FXR1: variants seen among roughly 807,000 people sequenced by gnomAD.
FXR1 encodes the protein FMR1 autosomal homolog 1.
FXR1 carries 15 observed loss-of-function variants against 84.0 expected under a neutral mutation model. The observed-to-expected ratio is 0.18, with a 90% CI of 0.12 to 0.27. The LOEUF (loss-of-function observed/expected upper bound fraction) is 0.27. FXR1 is among the 10% of genes least tolerant of loss of function. FXR1 has a pLI of 1.00. For missense variants in FXR1, 480 were observed against 774.4 expected, an observed-to-expected ratio of 0.62 and a Z score of 4.51; for synonymous variants, 245 against 250.7, an observed-to-expected ratio of 0.98 and a Z score of 0.21.
chr3:180,932,388 A>T (rs1453315993), intron 1 of FXR1, among the ~76,000 whole-genome samples: 1 of 152,178 alleles, frequency 6.6e-6, no homozygotes, highest in East Asian at 1.9e-4. Context: ...TGCAGTTCTG[A>T]TTCATAGTAA....
In FXR1 at chr3:180,982,502, G is replaced by A. The variant is rs1714659472; in HGVS notation, c.*6210G>A. 1 of 152,144 alleles carries A rather than the reference G, an allele frequency of 6.6e-6. No individual in the cohort carries two copies. The allele number at this position is 152,144 out of a possible 1,614,324, so 9.4% of individuals were successfully genotyped here. On this transcript the variant is annotated 3_prime_UTR_variant, in exon 17 of 17. Coordinates refer to ENST00000357559, the MANE Select transcript of FXR1 (RefSeq NM_005087.4). ...CTGCTGTGCTCCTTGGTATTTTTAAGTGGTTTCCATTGTCTTAACACCTGT... is the reference window on the plus strand; with the variant it reads ...CTGCTGTGCTCCTTGGTATTTTTAAATGGTTTCCATTGTCTTAACACCTGT...
intron 11 of FXR1, 37 bp from the exon 12 acceptor site, chr3:180,962,846 A>G (rs1283806051): frequency 1.4e-6 from 2 of 1,411,706 alleles, no homozygotes; most frequent in African/African-American, 2.8e-5. Flanking sequence ...AAAAAGTTAT[A>G]TATAAGAAGA....
chr3:180,917,624 C>CT (rs1166111876), intron 1 of FXR1, among the ~76,000 whole-genome samples: 2 of 152,104 alleles, frequency 1.3e-5, no homozygotes, highest in East Asian at 1.9e-4. Flanking sequence ...ATTTTCTACT[C>CT]TATCTTGCTG....
At chr3:180,964,261 A>G (rs1252433477) in intron 13 of FXR1, among the ~76,000 whole-genome samples, 1 of 152,226 alleles carries the variant, frequency 6.6e-6, no homozygotes, top group Admixed American at 6.5e-5. Context: ...TGCAAAAGAC[A>G]GTTAACCAGT....
rs890895931 is a variant in FXR1, at chr3:180,948,493, G to T, written c.417G>T (p.Glu139Asp). Residue 139 changes from glutamate (E) to aspartate (D), a missense_variant and splice_region_variant, in exon 5 of 17, where the codon GAG becomes GAT. Glu to Asp is a conservative substitution (Grantham distance 45, BLOSUM62 2). Transcript: ENST00000357559. ...TGGATGTTCCTGAGGATTTGAGAGA[G>T]GCGTGAGTAATTTTATATACTATTG... is the stretch of plus-strand genomic sequence containing the variant. ...CTVDVPEDLR[E>D]ACANENAHKD... 6.3e-7 allele frequency: 1 copy of T among 1,595,056 alleles called. No homozygotes were observed. Among genetic ancestry groups the T allele is most frequent in the Non-Finnish European group, 8.6e-7 (1 of 1,166,182 alleles).
At chr3:180,963,640 TGAAGAC>T (rs1302558435) in intron 13 of FXR1, among the ~76,000 whole-genome samples, 3 of 152,246 alleles carry the variant, frequency 2.0e-5, no homozygotes, top group Non-Finnish European at 2.9e-5. Context: ...TTCACTAAAA[TGAAGAC>T]TCTGAAAGCC....
intron 3 of FXR1, among the ~76,000 whole-genome samples, chr3:180,945,728 G>A (rs1721628356): frequency 6.6e-6 from 1 of 152,132 alleles, no homozygotes; most frequent in African/African-American, 2.4e-5. Context: ...CTTAAAAGAT[G>A]GAAGAATACT....
In FXR1 at chr3:180,977,948, T is replaced by C. The variant is rs1714385481; in HGVS notation, c.*1656T>C. 1 of 152,062 alleles carries C rather than the reference T, an allele frequency of 6.6e-6. No individual in the cohort carries two copies. Among genetic ancestry groups the C allele is most frequent in the African/African-American group, 2.4e-5 (1 of 41,432 alleles). 9.4% of individuals were successfully genotyped at this position (152,062 alleles called of 1,614,324 possible). A position where few individuals can be genotyped will look rare whatever the true frequency, so the allele number is the denominator to read the frequency against. On this transcript the variant is annotated 3_prime_UTR_variant, in exon 17 of 17. Coordinates refer to ENST00000357559, the MANE Select transcript of FXR1 (RefSeq NM_005087.4). ...TTTCCTGAGGCCTTCTGATTGGTTC[T>C]TGGTAACAGAATTTTAAAGTAAGGT...
chr3:180,926,015 T>G (rs1318778956), intron 1 of FXR1, among the ~76,000 whole-genome samples: 1 of 152,184 alleles, frequency 6.6e-6, no homozygotes, highest in African/African-American at 2.4e-5. Flanking sequence ...AAAGAAGGAT[T>G]TATTTTAATC....
In FXR1 at chr3:180,961,653, A is replaced by G. The variant is rs918182597; in HGVS notation, c.1077+99A>G. 11 of 582,938 alleles carry G rather than the reference A, an allele frequency of 1.9e-5. No homozygotes were observed. The African/African-American group carries it at 2.1e-4, about 11-fold the overall frequency. The allele number at this position is 582,938 out of a possible 1,614,324, so 36.1% of individuals were successfully genotyped here. ...AATTTAAAATGTCCTCACATTAAAC[A>G]TTTTATATTTGAAGTAAACTTCAAA... is the stretch of plus-strand genomic sequence containing the variant. On this transcript the variant is annotated intron_variant, in intron 11 of 16. Transcript: ENST00000357559.
In FXR1 at chr3:180,978,361, A is replaced by T. The variant is rs774126910; in HGVS notation, c.*2069A>T. On this transcript the variant is annotated 3_prime_UTR_variant, in exon 17 of 17. Coordinates refer to ENST00000357559, the MANE Select transcript of FXR1 (RefSeq NM_005087.4). ...CCACACTAAGTTCATTACTTTACAAATGACTAAACCCAATGTCTTGTCCTT... is the reference window on the plus strand; with the variant it reads ...CCACACTAAGTTCATTACTTTACAATTGACTAAACCCAATGTCTTGTCCTT... The T allele has an allele frequency of 2.6e-5, 4 of 152,138 alleles. No individual in the cohort carries two copies. The highest frequency in any genetic ancestry group is 5.9e-5 in the Non-Finnish European group (4 of 67,992). The allele number at this position is 152,138 out of a possible 1,614,324, so 9.4% of individuals were successfully genotyped here. A position where few individuals can be genotyped will look rare whatever the true frequency, so the allele number is the denominator to read the frequency against.
intron 8 of FXR1, among the ~76,000 whole-genome samples, chr3:180,952,264 T>A (rs1385760957): frequency 1.3e-5 from 2 of 152,102 alleles, no homozygotes; most frequent in Non-Finnish European, 2.9e-5. Context: ...GGCCTGGAGT[T>A]TTTTTTGAAT....
intron 3 of FXR1, among the ~76,000 whole-genome samples, chr3:180,944,023 TCTC>T (rs1160221262): frequency 3.9e-5 from 6 of 152,096 alleles, no homozygotes; most frequent in Non-Finnish European, 5.9e-5. Context: ...TTCAAGCAAT[TCTC>T]CTACCTCAGC....
intron 11 of FXR1, 77 bp from the exon 12 acceptor site, chr3:180,962,806 T>C (rs1483746026): frequency 1.1e-6 from 1 of 938,904 alleles, no homozygotes; most frequent in Non-Finnish European, 1.7e-6. Flanking sequence ...TGATAGGGAG[T>C]ACAGCTTTAG....
chr3:180,920,404 AGTTAT>A (rs1185773536), intron 1 of FXR1, among the ~76,000 whole-genome samples: 1 of 152,108 alleles, frequency 6.6e-6, no homozygotes, highest in Admixed American at 6.6e-5. Context: ...TTTTTAAAGA[AGTTAT>A]GTTTTGATCT....
rs1419693122 is a variant in FXR1 at position 180,978,564 on chromosome 3, A to G, written c.*2272A>G. On this transcript the variant is annotated 3_prime_UTR_variant, in exon 17 of 17. Coordinates refer to ENST00000357559, the MANE Select transcript of FXR1 (RefSeq NM_005087.4). ...GTTGCTATGGGAAGAACTTGCCACT[A>G]TACACTAAACAGACACTTAAGCAAA... 6.6e-6 allele frequency: 1 copy of G among 152,046 alleles called. No individual in the cohort carries two copies. Among genetic ancestry groups the G allele is most frequent in the Non-Finnish European group, 1.5e-5 (1 of 67,968 alleles). The allele number at this position is 152,046 out of a possible 1,614,324, so 9.4% of individuals were successfully genotyped here.
chr3:180,922,240 A>AT (rs1704280295), intron 1 of FXR1, among the ~76,000 whole-genome samples: 1 of 152,174 alleles, frequency 6.6e-6, no homozygotes, highest in South Asian at 2.1e-4. Flanking sequence ...ATGTTGAAAG[A>AT]TTGCTTTCCA....
In FXR1 at chr3:180,913,449, G is replaced by A. The variant is rs904602970; in HGVS notation, c.51+713G>A. Among the ~76,000 whole-genome samples the A allele has an allele frequency of 6.6e-5, 10 of 152,158 alleles. No homozygotes were observed. The South Asian group carries it at 1.7e-3, about 25-fold the overall frequency. ...AAGATTTAAAATGCGAAATGGATCA[G>A]GGAGATAGGTGGAGAGGTGACTAAT... On this transcript the variant is annotated intron_variant, in intron 1 of 16. Coordinates refer to ENST00000357559, the MANE Select transcript of FXR1 (RefSeq NM_005087.4).
At chr3:180,913,174 GACCCCTCCCC>G (rs1400260087) in intron 1 of FXR1, among the ~76,000 whole-genome samples, 3 of 152,104 alleles carry the variant, frequency 2.0e-5, no homozygotes, top group Non-Finnish European at 4.4e-5. Flanking sequence ...CCGCTCCTCC[GACCCCTCCCC>G]ACCCCTTGGG....
Sources: allele counts gnomAD v4.1 joint callset (sites outside exome capture counted in the v4.1 genomes callset), GRCh38; gene constraint gnomAD v4.1.1; transcripts MANE v1.5; gene names NCBI Gene and HGNC (gene_info 2026-07-23, HGNC 2026-07-21).